Variants in CHRD observed in about 807,000 individuals in gnomAD.
CHRD encodes chordin.
A neutral mutation model predicts 113.7 loss-of-function variants in CHRD; 69 were observed. The observed-to-expected ratio is 0.61, with a 90% CI of 0.50 to 0.74. The LOEUF (loss-of-function observed/expected upper bound fraction) is 0.74, where lower values mean the gene tolerates loss of function less well. Among genes scored for constraint, CHRD ranks in the 30% least tolerant of loss-of-function variants. The pLI is 0.00. For missense variants in CHRD, 1,194 were observed against 1,295.8 expected (o/e 0.92, Z 1.21); for synonymous variants, 561 against 540.8 (o/e 1.04, Z -0.52).
chr3:184,382,978 C>A lies in CHRD; in HGVS notation c.1066-38C>A, dbSNP rs771662718. ...GGCTCTCGCTGCCACCTGTCTTGGCCTCTTGCTATTGCCCATCACACCCTG... is the reference window on the plus strand; with the variant it reads ...GGCTCTCGCTGCCACCTGTCTTGGCATCTTGCTATTGCCCATCACACCCTG... On this transcript the variant is annotated intron_variant, in intron 9 of 22. Coordinates refer to ENST00000204604, the Ensembl canonical transcript of CHRD. The A allele has an allele frequency of 2.5e-6, 4 of 1,613,122 alleles. No individual in the cohort carries two copies. In the East Asian group the frequency reaches 8.9e-5, roughly 36 times the overall value.
rs1560306314 is a variant in CHRD at position 184,384,995 on chromosome 3, ATC to A, written c.1598-18_1598-17del. 1.9e-6 allele frequency: 3 copies of A among 1,610,026 alleles called. No individual in the cohort carries two copies. Among genetic ancestry groups the A allele is most frequent in the Non-Finnish European group, 2.5e-6 (3 of 1,177,396 alleles). ...GCCCTAGGCCACCTTCTCACCTGTC[ATC>A]TCTCCTCTGTCTGGACCCAGCGCTG... On this transcript the variant is annotated intron_variant, in intron 13 of 22. Transcript: ENST00000204604. This position sits in a 1 kb window ranked among gnomAD's most constrained non-coding sequence, Gnocchi z 4.4.
chr3:184,385,264 C>T (rs1057387407), intron 14 of CHRD, 26 bp downstream of exon 14: 1 of 1,569,560 alleles, frequency 6.4e-7, no homozygotes, highest in Non-Finnish European at 8.8e-7. Context: ...TAGGCGGCAG[C>T]TTGGAACATT....
rs572554868 is a variant in CHRD, at chr3:184,388,233, A to G, written c.2554+200A>G. Among the ~76,000 whole-genome samples the G allele has an allele frequency of 1.8e-3, 244 of 137,210 alleles. 2 individuals are homozygous for G. Among genetic ancestry groups the G allele is most frequent in the African/African-American group, 3.5e-3 (125 of 35,350 alleles). The allele number at this position is 137,210 out of a possible 152,430, so 90.0% of individuals were successfully genotyped here. On this transcript the variant is annotated intron_variant, in intron 20 of 22. Coordinates refer to ENST00000204604, the Ensembl canonical transcript of CHRD. The surrounding 1 kb of genome is among the most constrained non-coding windows in gnomAD (Gnocchi z 6.1). ...ATGGGTTCTGGTTCCTGCTCCATCC[A>G]TCCGTCCATCCATCCATCCATCCAT...
chr3:184,389,104 G>T (rs1033025614), intron 22 of CHRD, 109 bp downstream of exon 22: 27 of 787,098 alleles, frequency 3.4e-5, no homozygotes, highest in African/African-American at 1.2e-4. Flanking sequence ...AGTGCAGCCT[G>T]CCTCACAAGT....
downstream of CHRD, chr3:184,390,635 C>A (rs750717377): frequency 6.6e-6 from 1 of 152,074 alleles, no homozygotes; most frequent in African/African-American, 2.4e-5. Flanking sequence ...ACCATCAAGA[C>A]CCAGGCATTT....
chr3:184,386,397 AG>A, intron 15 of CHRD, 94 bp from the exon 16 acceptor site: 1 of 1,486,340 alleles, frequency 6.7e-7, no homozygotes, highest in Non-Finnish European at 9.0e-7. Flanking sequence ...TGCAGCGCTC[AG>A]GGGGCCGAGG....
intron 15 of CHRD, 52 bp downstream of exon 15, chr3:184,386,211 G>A: frequency 6.4e-7 from 1 of 1,565,216 alleles, no homozygotes; most frequent in Non-Finnish European, 8.8e-7. Context: ...CAGAGTTGGA[G>A]GGGCACTGTG....
Position 184,381,644 on chromosome 3 carries a change from C to T in CHRD, c.511+20C>T, listed in dbSNP as rs1221606592. On this transcript the variant is annotated intron_variant, in intron 4 of 22. Coordinates refer to ENST00000204604, the Ensembl canonical transcript of CHRD. The surrounding 1 kb of genome is among the most constrained non-coding windows in gnomAD (Gnocchi z 4.7). ...ACACGGGTAGGGGGCTGGCGAACAGCGGGGTTGTGGTTGAGGCTGGGCCAC... is the reference window on the plus strand; with the variant it reads ...ACACGGGTAGGGGGCTGGCGAACAGTGGGGTTGTGGTTGAGGCTGGGCCAC... 5 of 1,603,730 alleles carry T rather than the reference C, an allele frequency of 3.1e-6. No homozygotes were observed. Among genetic ancestry groups the T allele is most frequent in the East Asian group, 2.2e-5 (1 of 44,598 alleles).
At chr3:184,389,451 AG>A (rs1246362776) in exon 23 of CHRD, 1 of 1,606,448 alleles carries the variant, frequency 6.2e-7, no homozygotes, top group Middle Eastern at 1.7e-4. Context: ...AGTGACCAAG[AG>A]GATGGGGCCT....
exon 14 of CHRD, chr3:184,385,080 C>T (rs1244119292): frequency 6.2e-7 from 1 of 1,614,150 alleles, no homozygotes; most frequent in South Asian, 1.1e-5. Flanking sequence ...AGCAGCAGGG[C>T]ACGCCTGGCT....
exon 14 of CHRD, chr3:184,385,194 A>G: frequency 2.5e-6 from 4 of 1,614,074 alleles, no homozygotes; most frequent in Non-Finnish European, 3.4e-6. Flanking sequence ...GCCTCCTGGA[A>G]CGCCAGGGCC....
intron 12 of CHRD, 40 bp downstream of exon 12, chr3:184,383,682 C>A (rs2108648588): frequency 6.4e-7 from 1 of 1,559,508 alleles, no homozygotes; most frequent in Non-Finnish European, 8.7e-7. Context: ...GGGCCCAATG[C>A]ATGGGCTGTG....
chr3:184,387,258 C>T lies in CHRD; in HGVS notation c.2348-116C>T, dbSNP rs772005573. 5.0e-5 allele frequency: 66 copies of T among 1,324,566 alleles called. No individual in the cohort carries two copies. The highest frequency in any genetic ancestry group is 6.7e-5 in the Non-Finnish European group (64 of 948,374). 82.1% of individuals were successfully genotyped at this position (1,324,566 alleles called of 1,614,324 possible). On this transcript the variant is annotated intron_variant, in intron 18 of 22. Coordinates refer to ENST00000204604, the Ensembl canonical transcript of CHRD. The surrounding 1 kb of genome is among the most constrained non-coding windows in gnomAD (Gnocchi z 6.1). ...TGACAGGACTCATTAGTGTTACTGG[C>T]CCCCAGGTGGGCCCTTGGCTTAGGC...
In CHRD at chr3:184,388,552, T is replaced by A; in HGVS notation, c.2555-35T>A. The A allele has an allele frequency of 6.3e-7, 1 of 1,595,356 alleles. No individual in the cohort carries two copies. Among genetic ancestry groups the A allele is most frequent in the South Asian group, 1.1e-5 (1 of 89,976 alleles). On this transcript the variant is annotated intron_variant, in intron 20 of 22. Coordinates refer to ENST00000204604, the Ensembl canonical transcript of CHRD. The surrounding 1 kb of genome is among the most constrained non-coding windows in gnomAD (Gnocchi z 6.1). ...AATACTCATAAAACCTTGTTGGTCC[T>A]CCTGGGCTGATCCTTTCTCTTTCCC...
Position 184,384,588 on chromosome 3 carries a change from C to A in CHRD, c.1492C>A (p.Gln498Lys). Residue 498 changes from glutamine to lysine, a missense_variant, in exon 13 of 23, where the codon CAG (glutamine) becomes AAG (lysine). By Grantham distance (53) the Gln-to-Lys change is moderately conservative (BLOSUM62 1). Transcript: ENST00000204604. This position sits in a 1 kb window ranked among gnomAD's most constrained non-coding sequence, Gnocchi z 4.4. ...TGCCCGAGGGGCTCATATGCTGCTG[C>A]AGAATGAGCTCTTCCTGAACGTGGG... 6.2e-7 allele frequency: 1 copy of A among 1,607,282 alleles called. No homozygotes were observed. The highest frequency in any genetic ancestry group is 8.5e-7 in the Non-Finnish European group (1 of 1,176,962).
chr3:184,386,843 A>G lies in CHRD; in HGVS notation c.2197-2A>G. On this transcript the variant is annotated splice_acceptor_variant, in intron 16 of 22. Coordinates refer to ENST00000204604, the Ensembl canonical transcript of CHRD. LOFTEE classifies it high-confidence loss of function. ...CGTCAATGCCTCTGCTCCTCTCTGCAGAGACGAACGGTGATCTGTGACCCG... is the reference window on the plus strand; with the variant it reads ...CGTCAATGCCTCTGCTCCTCTCTGCGGAGACGAACGGTGATCTGTGACCCG... The G allele has an allele frequency of 6.2e-7, 1 of 1,614,174 alleles. No homozygotes were observed.
rs141802927 is a variant in CHRD at position 184,387,082 on chromosome 3, G to T, written c.2322G>T (p.Leu774=). ...AAGATGTCAGAGACTTGCCAGGGCTGCCAAGGAGCCGGGACCCAGGAGAGG... is the reference window on the plus strand; with the variant it reads ...AAGATGTCAGAGACTTGCCAGGGCTTCCAAGGAGCCGGGACCCAGGAGAGG... Residue 774 remains leucine (L), a synonymous_variant, in exon 18 of 23, where the codon CTG becomes CTT. Coordinates refer to ENST00000204604, the Ensembl canonical transcript of CHRD. This position sits in a 1 kb window ranked among gnomAD's most constrained non-coding sequence, Gnocchi z 6.1. 1.6e-5 allele frequency: 26 copies of T among 1,614,058 alleles called. No individual in the cohort carries two copies. Among genetic ancestry groups the T allele is most frequent in the Non-Finnish European group, 2.1e-5 (25 of 1,180,022 alleles).
rs61133846 is a variant in CHRD, at chr3:184,388,387, GCATCCATCCATCCATCCATC to G, written c.2555-174_2555-155del. 6.2e-5 allele frequency among the ~76,000 whole-genome samples: 9 copies of G among 146,108 alleles called. No homozygotes were observed. The South Asian group carries it at 1.6e-3, about 25-fold the overall frequency. ...TCCATCCACCCATCCACCCATTGAT[GCATCCATCCATCCATCCATC>G]CATCCATCCATCCATCCATCCATCC... On this transcript the variant is annotated intron_variant, in intron 20 of 22. Transcript: ENST00000204604. This position sits in a 1 kb window ranked among gnomAD's most constrained non-coding sequence, Gnocchi z 6.1.
chr3:184,386,230 C>T lies in CHRD; in HGVS notation c.1932+71C>T, dbSNP rs1716257214. Reference sequence around the variant, plus strand: ...GTTGGAGGGGCACTGTGTGCCATTGCACTAGTCACTTGCTGTCTCTGAGTC... The same window carrying T: ...GTTGGAGGGGCACTGTGTGCCATTGTACTAGTCACTTGCTGTCTCTGAGTC... On this transcript the variant is annotated intron_variant, in intron 15 of 22. Transcript: ENST00000204604. The T allele has an allele frequency of 3.2e-5, 47 of 1,483,178 alleles. No homozygotes were observed. In the South Asian group the frequency reaches 5.3e-4, roughly 17 times the overall value. The allele number at this position is 1,483,178 out of a possible 1,614,324, so 91.9% of individuals were successfully genotyped here.
Sources: allele counts gnomAD v4.1 joint callset (sites outside exome capture counted in the v4.1 genomes callset), GRCh38; gene constraint gnomAD v4.1.1; non-coding constraint Gnocchi (gnomAD v3.1); transcripts MANE v1.5; gene names NCBI Gene and HGNC (gene_info 2026-07-23, HGNC 2026-07-21).